The following SNX29 variants were observed in gnomAD, a reference collection of about 807,000 sequenced individuals.
SNX29 encodes sorting nexin 29.
Under a neutral mutation model 102.1 loss-of-function variants are expected in SNX29, and 78 were observed. That is an observed-to-expected ratio of 0.76 (90% CI 0.64 to 0.92). The LOEUF (loss-of-function observed/expected upper bound fraction) is 0.92, where lower values mean the gene tolerates loss of function less well. Among genes scored for constraint, SNX29 ranks in the 40% least tolerant of loss-of-function variants. SNX29 has a pLI of 0.00. For missense variants in SNX29, 1,280 were observed against 1,061.7 expected (o/e 1.21, Z -2.86); for synonymous variants, 580 against 414.5 (o/e 1.40, Z -4.85).
chr16:12,021,970 C>T (rs959076597), intron 3 of SNX29, among the ~76,000 whole-genome samples: 4 of 149,466 alleles, frequency 2.7e-5, no homozygotes, highest in African/African-American at 7.3e-5. Flanking sequence ...TGAGCTGGTG[C>T]AGTGTCCAGG....
chr16:12,566,605 C>T (rs2079021346), intron 20 of SNX29, among the ~76,000 whole-genome samples: 1 of 152,192 alleles, frequency 6.6e-6, no homozygotes, highest in Non-Finnish European at 1.5e-5. Flanking sequence ...ATCTAAGAAT[C>T]AGTTCCCCTA....
rs1052448548 is a variant in SNX29 at position 12,071,579 on chromosome 16, A to G, written c.1319+2447A>G. 7.2e-4 allele frequency among the ~76,000 whole-genome samples: 109 copies of G among 152,238 alleles called. 1 individual carries two copies. The highest frequency in any genetic ancestry group is 2.5e-3 in the African/African-American group (105 of 41,536). On this transcript the variant is annotated intron_variant, in intron 10 of 20. Transcript: ENST00000566228. ...GCTGTTTTGGTTACTGTAGCCTTGTAGTATAGTTTGAAGTCCGGTAGCGTG... is the reference window on the plus strand; with the variant it reads ...GCTGTTTTGGTTACTGTAGCCTTGTGGTATAGTTTGAAGTCCGGTAGCGTG...
chr16:12,157,668 A>G (rs752036023), intron 13 of SNX29, among the ~76,000 whole-genome samples: 1 of 152,100 alleles, frequency 6.6e-6, no homozygotes, highest in African/African-American at 2.4e-5. Context: ...GAGGTTTCCT[A>G]TCTTGGTCAA....
At chr16:12,282,801 G>A (rs1344290018) in intron 15 of SNX29, among the ~76,000 whole-genome samples, 4 of 152,244 alleles carry the variant, frequency 2.6e-5, no homozygotes, top group African/African-American at 7.2e-5. Context: ...AATTACAGGT[G>A]CCCACCACAA....
At chr16:12,073,465 C>T (rs2051397012) in intron 10 of SNX29, among the ~76,000 whole-genome samples, 1 of 152,070 alleles carries the variant, frequency 6.6e-6, no homozygotes, top group East Asian at 1.9e-4. Context: ...GTTCAGTTTC[C>T]ATGTAGTGGA....
chr16:12,090,996 C>T (rs1208572986), intron 11 of SNX29, among the ~76,000 whole-genome samples: 1 of 101,868 alleles, frequency 9.8e-6, no homozygotes, highest in Non-Finnish European at 1.7e-5. Flanking sequence ...GCGTGGGCGA[C>T]AGAGTGAGAC....
intron 11 of SNX29, among the ~76,000 whole-genome samples, chr16:12,086,404 G>A (rs1293974168): frequency 2.0e-5 from 3 of 152,142 alleles, no homozygotes; most frequent in East Asian, 1.9e-4. Context: ...CCAGGTCTGA[G>A]AGCCTTAAGC....
chr16:12,529,980 G>C (rs16959823), intron 20 of SNX29, among the ~76,000 whole-genome samples: 7,010 of 152,272 alleles, frequency 0.046, 195 homozygotes, highest in Middle Eastern at 0.095. Context: ...AGATCTCAAA[G>C]CTGCAGGCAT....
intron 18 of SNX29, among the ~76,000 whole-genome samples, chr16:12,472,838 C>A (rs1281282560): frequency 6.6e-6 from 1 of 152,110 alleles, no homozygotes; most frequent in Non-Finnish European, 1.5e-5. Flanking sequence ...GAAAAGAAAT[C>A]TTCAGATTTG....
chr16:12,433,359 A>G (rs2085392876), intron 18 of SNX29, among the ~76,000 whole-genome samples: 1 of 152,154 alleles, frequency 6.6e-6, no homozygotes, highest in Non-Finnish European at 1.5e-5. Flanking sequence ...GGCCGGGCGC[A>G]GTGGCTCACA....
intron 15 of SNX29, among the ~76,000 whole-genome samples, chr16:12,319,535 A>C (rs1377743236): frequency 1.3e-5 from 2 of 152,176 alleles, no homozygotes; most frequent in African/African-American, 4.8e-5. Context: ...TCATATAAAA[A>C]TACAGTGTTT....
At position 12,574,193 on chromosome 16, in the gene SNX29, G is replaced by A. The variant is rs2079245262; in HGVS notation, c.*5564G>A. ...ATCTCTTGTATTAAAATTTTCTTTT[G>A]GAATAAGCTGTGGAAATTTTGTTAC... On this transcript the variant is annotated 3_prime_UTR_variant, in exon 21 of 21. Coordinates refer to ENST00000566228, the MANE Select transcript of SNX29 (RefSeq NM_032167.5). 5.6e-6 allele frequency: 1 copy of A among 178,472 alleles called. No homozygotes were observed. Among genetic ancestry groups the A allele is most frequent in the Admixed American group, 6.3e-5 (1 of 15,846 alleles). The allele number at this position is 178,472 out of a possible 1,614,324, so 11.1% of individuals were successfully genotyped here.
At chr16:12,036,960 C>G (rs989169785) in intron 4 of SNX29, among the ~76,000 whole-genome samples, 5 of 152,066 alleles carry the variant, frequency 3.3e-5, no homozygotes, top group African/African-American at 1.2e-4. Context: ...AGGGGGTCTG[C>G]CTTCTCCCAA....
chr16:12,532,291 T>A (rs187508328), intron 20 of SNX29, among the ~76,000 whole-genome samples: 1 of 152,228 alleles, frequency 6.6e-6, no homozygotes, highest in Non-Finnish European at 1.5e-5. Context: ...GTCCTTAAAT[T>A]GGCATTCTGG....
chr16:12,243,184 G>A (rs1036952281), intron 14 of SNX29, among the ~76,000 whole-genome samples: 4 of 152,202 alleles, frequency 2.6e-5, no homozygotes, highest in Non-Finnish European at 5.9e-5. Context: ...GGCACACACC[G>A]ATTCGTGCAT....
intron 15 of SNX29, among the ~76,000 whole-genome samples, chr16:12,286,553 G>A (rs1360982294): frequency 6.6e-6 from 1 of 151,580 alleles, no homozygotes; most frequent in African/African-American, 2.4e-5. Context: ...CACCGTGTAA[G>A]CCAGGATGGT....
chr16:12,323,184 G>C (rs1015424332), intron 15 of SNX29, among the ~76,000 whole-genome samples: 2 of 56,946 alleles, frequency 3.5e-5, no homozygotes. Flanking sequence ...GGAGTCACCG[G>C]GGACCACTGT....
chr16:12,001,099 G>A (rs1178996830), intron 2 of SNX29, among the ~76,000 whole-genome samples: 1 of 152,132 alleles, frequency 6.6e-6, no homozygotes, highest in African/African-American at 2.4e-5. Context: ...ATAAAGTGGA[G>A]CTTATGCCCA....
At chr16:12,125,188 C>T (rs893901442) in intron 11 of SNX29, among the ~76,000 whole-genome samples, 4 of 152,060 alleles carry the variant, frequency 2.6e-5, no homozygotes, top group African/African-American at 7.2e-5. Flanking sequence ...AATGAGGCAG[C>T]GAAAGTGAAT....
Sources: allele counts gnomAD v4.1 joint callset (sites outside exome capture counted in the v4.1 genomes callset), GRCh38; gene constraint gnomAD v4.1.1; transcripts MANE v1.5; gene names NCBI Gene and HGNC (gene_info 2026-07-23, HGNC 2026-07-21).